Variants in RP1 observed in about 807,000 individuals in gnomAD.
The protein encoded by RP1 is RP1 axonemal microtubule associated, also known as oxygen-regulated protein 1.
Under a neutral mutation model 14.8 loss-of-function variants are expected in RP1, and 16 were observed. That is an observed-to-expected ratio of 1.08 (90% confidence interval 0.73 to 1.65). The LOEUF (loss-of-function observed/expected upper bound fraction) is 1.65. Ranked by LOEUF, RP1 falls within the 40% of genes most tolerant of loss-of-function variation. RP1 has a pLI of 0.00. For synonymous variants in RP1, 876 were observed against 883.6 expected, an observed-to-expected ratio of 0.99 and a Z score of 0.15; for missense variants, 2,631 against 2,535.0, an observed-to-expected ratio of 1.04 and a Z score of -0.81.
chr8:54,855,051 A>G (rs571963536), intron 26 of RP1, among the ~76,000 whole-genome samples: 2 of 152,306 alleles, frequency 1.3e-5, no homozygotes, highest in South Asian at 2.1e-4. Context: ...CTCAGTATTC[A>G]TTAAACGACT....
At chr8:54,784,976 A>G (rs78630723) in intron 24 of RP1, among the ~76,000 whole-genome samples, 8,602 of 152,020 alleles carry the variant, frequency 0.057, 332 homozygotes, top group Middle Eastern at 0.12. Context: ...GTATATATTT[A>G]TGGGGTACAG....
chr8:54,752,317 T>C (rs1344141362), intron 19 of RP1, among the ~76,000 whole-genome samples: 2 of 152,172 alleles, frequency 1.3e-5, no homozygotes, highest in African/African-American at 4.8e-5. Context: ...TTTTACCCTA[T>C]GTTTGGTCAA....
intron 12 of RP1, chr8:54,697,264 A>G: frequency 1.7e-6 from 1 of 587,490 alleles, no homozygotes; most frequent in East Asian, 3.0e-5. Flanking sequence ...CAAAAAAAAG[A>G]CAGTACCTGG....
intron 24 of RP1, among the ~76,000 whole-genome samples, chr8:54,826,330 A>G (rs1811385946): frequency 6.6e-6 from 1 of 152,172 alleles, no homozygotes; most frequent in African/African-American, 2.4e-5. Flanking sequence ...TGCCCCCCAC[A>G]TTGTCTGCAT....
chr8:54,800,121 G>A (rs986227705), intron 24 of RP1, among the ~76,000 whole-genome samples: 23 of 151,846 alleles, frequency 1.5e-4, no homozygotes, highest in Non-Finnish European at 3.1e-4. Context: ...ATGGAATTCT[G>A]GATTGCCAGT....
At chr8:54,831,626 C>T (rs946501010) in intron 24 of RP1, among the ~76,000 whole-genome samples, 1 of 151,648 alleles carries the variant, frequency 6.6e-6, no homozygotes, top group Non-Finnish European at 1.5e-5. Context: ...AAACATAAAA[C>T]ATCCTATTCC....
At chr8:54,718,827 G>A (rs141067724) in intron 15 of RP1, among the ~76,000 whole-genome samples, 196 of 152,226 alleles carry the variant, frequency 1.3e-3, no homozygotes, top group African/African-American at 4.5e-3. Context: ...GGTTGCTAGG[G>A]GTTTGAGGGA....
At chr8:54,662,090 C>T (rs1267630696) in intron 6 of RP1, among the ~76,000 whole-genome samples, 1 of 152,116 alleles carries the variant, frequency 6.6e-6, no homozygotes, top group Admixed American at 6.5e-5. Flanking sequence ...GTACCCGTGT[C>T]ATCTCAATGG....
intron 1 of RP1, 116 bp downstream of exon 1, chr8:54,616,318 A>G (rs1008666864): frequency 1.3e-5 from 2 of 152,208 alleles, no homozygotes; most frequent in Non-Finnish European, 2.9e-5. Flanking sequence ...TAACTGTTAG[A>G]AAAAGCATAA....
At position 54,751,759 on chromosome 8, in the gene RP1, G is replaced by A. The variant is rs115361480; in HGVS notation, c.2809-3044G>A. 6.8e-3 allele frequency among the ~76,000 whole-genome samples: 1,041 copies of A among 152,252 alleles called. 5 individuals carry two copies. The highest frequency in any genetic ancestry group is 0.024 in the African/African-American group (983 of 41,558). Reference sequence around the variant, plus strand: ...ATTTTGCCCTTCTTACTAATTTAACGGTTGAAAAAATATTTTGTGAAAATA... The same window carrying A: ...ATTTTGCCCTTCTTACTAATTTAACAGTTGAAAAAATATTTTGTGAAAATA... On this transcript the variant is annotated intron_variant, in intron 19 of 22. Transcript: ENST00000636932.
chr8:54,602,244 T>C (rs912012037), intron 1 of RP1, among the ~76,000 whole-genome samples: 3 of 152,154 alleles, frequency 2.0e-5, no homozygotes, highest in Non-Finnish European at 4.4e-5. Flanking sequence ...TGTCCATGTG[T>C]TCTCATTGTT....
intron 19 of RP1, among the ~76,000 whole-genome samples, chr8:54,747,871 C>G (rs1809266231): frequency 6.6e-6 from 1 of 152,246 alleles, no homozygotes; most frequent in South Asian, 2.1e-4. Flanking sequence ...CCCATTCACA[C>G]AGAATTAGTA....
chr8:54,780,450 C>T (rs867876938), intron 23 of RP1, among the ~76,000 whole-genome samples: 23 of 152,182 alleles, frequency 1.5e-4, no homozygotes, highest in African/African-American at 5.1e-4. Context: ...ATAATGTGGA[C>T]GCAATACCTG....
intron 6 of RP1, among the ~76,000 whole-genome samples, chr8:54,659,424 CTTTA>C (rs1806831757): frequency 1.3e-5 from 2 of 152,064 alleles, no homozygotes; most frequent in South Asian, 2.1e-4. Context: ...AAAGATTCAA[CTTTA>C]TTTATTTATT....
intron 3 of RP1, among the ~76,000 whole-genome samples, chr8:54,622,567 C>T (rs1321542305): frequency 6.6e-6 from 1 of 152,134 alleles, no homozygotes; most frequent in East Asian, 1.9e-4. Flanking sequence ...AATAAAAATG[C>T]CAGCATTTCT....
At chr8:54,572,929 G>C (rs1350719948) in intron 1 of RP1, among the ~76,000 whole-genome samples, 2 of 152,096 alleles carry the variant, frequency 1.3e-5, no homozygotes, top group African/African-American at 4.8e-5. Context: ...ACATATTTAA[G>C]AACCAAATCA....
At chr8:54,632,775 A>G (rs1195817061), downstream of RP1, among the ~76,000 whole-genome samples, 1 of 152,178 alleles carries the variant, frequency 6.6e-6, no homozygotes, top group Admixed American at 6.5e-5. Context: ...TTAGTTTTGC[A>G]AGATTTATAT....
intron 7 of RP1, among the ~76,000 whole-genome samples, chr8:54,667,311 T>A (rs559081528): frequency 6.6e-6 from 1 of 152,034 alleles, no homozygotes; most frequent in African/African-American, 2.4e-5. Context: ...GAAGAGTGGA[T>A]CCTATGTCCA....
intron 18 of RP1, among the ~76,000 whole-genome samples, chr8:54,737,342 A>G (rs1214304562): frequency 6.6e-6 from 1 of 152,180 alleles, no homozygotes; most frequent in Non-Finnish European, 1.5e-5. Context: ...TAACAGACAG[A>G]TAGGTATCAA....
Sources: gnomAD v4.1 joint callset for allele counts (sites outside exome capture counted in the v4.1 genomes callset) on GRCh38, gnomAD v4.1.1 for gene constraint, MANE v1.5 for transcripts, NCBI Gene and HGNC (gene_info 2026-07-23, HGNC 2026-07-21) for gene names.